The following SFXN5 variants were observed in gnomAD, a reference collection of about 807,000 sequenced individuals.
SFXN5 encodes the protein sideroflexin-5.
Under a neutral mutation model 50.2 loss-of-function variants are expected in SFXN5, and 43 were observed. That is an observed-to-expected ratio of 0.86 (90% CI 0.67 to 1.11). SFXN5 has a LOEUF of 1.11. Ranked by LOEUF, SFXN5 falls within the 50% of genes least tolerant of loss-of-function variation. SFXN5 has a pLI of 0.00. For missense variants in SFXN5, 463 were observed against 454.1 expected, an observed-to-expected ratio of 1.02 and a Z score of -0.18; for synonymous variants, 203 against 185.8, an observed-to-expected ratio of 1.09 and a Z score of -0.75.
intron 2 of SFXN5, among the ~76,000 whole-genome samples, chr2:73,051,593 C>T (rs372573210): frequency 2.0e-5 from 3 of 152,194 alleles, no homozygotes; most frequent in East Asian, 3.9e-4. Flanking sequence ...AGCCTCTACC[C>T]TTTACCAAGC....
At chr2:73,017,122 G>A (rs1256935947) in intron 6 of SFXN5, among the ~76,000 whole-genome samples, 9 of 152,198 alleles carry the variant, frequency 5.9e-5, no homozygotes, top group East Asian at 5.8e-4. Flanking sequence ...TTGAACCATC[G>A]TACGTCAGAC....
At chr2:73,020,365 G>C in intron 5 of SFXN5, 101 bp from the exon 6 acceptor site, 1 of 1,179,980 alleles carries the variant, frequency 8.5e-7, no homozygotes, top group Non-Finnish European at 1.2e-6. Flanking sequence ...CAGTGGCCCT[G>C]ATGAAGGGGC....
At position 72,945,720 on chromosome 2, in the gene SFXN5, G is replaced by A. The variant is rs1470932409; in HGVS notation, c.946-621C>T. Among the ~76,000 whole-genome samples the A allele has an allele frequency of 1.3e-5, 2 of 151,928 alleles. No homozygotes were observed. The highest frequency in any genetic ancestry group is 2.9e-5 in the Non-Finnish European group (2 of 67,968). The stretch of plus-strand genomic sequence containing the variant: ...ACGCTGCTGGCAGAAGCCCTGCTTC[G>A]GAGAACCCCACCATGCACCCCACTC... On this transcript the variant is annotated intron_variant, in intron 13 of 13. Coordinates refer to ENST00000272433, the MANE Select transcript of SFXN5 (RefSeq NM_144579.3). This position sits in a 1 kb window ranked among gnomAD's most constrained non-coding sequence, Gnocchi z 5.8.
chr2:72,966,593 G>C (rs1245504464), intron 12 of SFXN5, among the ~76,000 whole-genome samples: 1 of 152,166 alleles, frequency 6.6e-6, no homozygotes, highest in Non-Finnish European at 1.5e-5. Flanking sequence ...CTTCTAGGGT[G>C]AGAGAGGGCT....
At position 72,961,218 on chromosome 2, in the gene SFXN5, C is replaced by T; in HGVS notation, c.858G>A (p.Leu286=). 1 of 1,541,342 alleles carries T rather than the reference C, an allele frequency of 6.5e-7. No homozygotes were observed. The change falls in exon 13 of 14, where the codon CTG becomes CTA. Residue 286 remains leucine (L), a synonymous_variant. Transcript: ENST00000272433. This position sits in a 1 kb window ranked among gnomAD's most constrained non-coding sequence, Gnocchi z 4.4. The part of the protein sequence containing the change: ...KTALLQARPR[L]LLPVQSLVCL... The stretch of plus-strand genomic sequence containing the variant: ...ACACGAGGCTTTGCACAGGGAGGAG[C>T]AGCCGGGGGCGTGCCTGCAGGAGAG...
intron 2 of SFXN5, among the ~76,000 whole-genome samples, chr2:73,045,313 G>C (rs1680176748): frequency 6.6e-6 from 1 of 152,090 alleles, no homozygotes; most frequent in African/African-American, 2.4e-5. Flanking sequence ...ATCTCCCAAA[G>C]AAACCTCAGC....
At chr2:73,023,834 T>C (rs1677216740) in intron 3 of SFXN5, among the ~76,000 whole-genome samples, 1 of 152,198 alleles carries the variant, frequency 6.6e-6, no homozygotes. Flanking sequence ...ATAAGAAGGC[T>C]GTAGGGAGAA....
At position 72,968,301 on chromosome 2, in the gene SFXN5, A is replaced by C. The variant is rs13429298; in HGVS notation, c.827+147T>G. On this transcript the variant is annotated intron_variant, in intron 12 of 13. Coordinates refer to ENST00000272433, the MANE Select transcript of SFXN5 (RefSeq NM_144579.3). ...TCTGTGGCACTACCTGGAAAGTCCA[A>C]GATGGAGCAAGACACCTTCCACCCT... is the stretch of plus-strand genomic sequence containing the variant. 20 of 685,256 alleles carry C rather than the reference A, an allele frequency of 2.9e-5. No individual in the cohort carries two copies. The African/African-American group carries it at 3.1e-4, about 10-fold the overall frequency. 42.4% of individuals were successfully genotyped at this position (685,256 alleles called of 1,614,324 possible).
chr2:73,035,685 A>C (rs557130576), intron 3 of SFXN5, among the ~76,000 whole-genome samples: 2 of 151,970 alleles, frequency 1.3e-5, no homozygotes. Flanking sequence ...TTTTTGGTAG[A>C]GATGGGGTTT....
At chr2:73,003,318 C>G (rs962079032) in intron 6 of SFXN5, among the ~76,000 whole-genome samples, 2 of 152,224 alleles carry the variant, frequency 1.3e-5, no homozygotes, top group Non-Finnish European at 2.9e-5. Context: ...ACACTGTCTT[C>G]TCCTCTGAAT....
intron 3 of SFXN5, among the ~76,000 whole-genome samples, chr2:73,036,085 G>A (rs1160776634): frequency 1.3e-5 from 2 of 152,208 alleles, no homozygotes; most frequent in African/African-American, 4.8e-5. Context: ...GAGAGCAGGC[G>A]CAGAGCCCAG....
In SFXN5 at chr2:72,973,183, C is replaced by T. The variant is rs1442549037; in HGVS notation, c.626-1498G>A. ...GAGAAGAAAAGCAGGAGGCCAAATACAGTTCTAAAATGTATTTAGAGCACA... is the reference window on the plus strand; with the variant it reads ...GAGAAGAAAAGCAGGAGGCCAAATATAGTTCTAAAATGTATTTAGAGCACA... On this transcript the variant is annotated intron_variant, in intron 10 of 13. Transcript: ENST00000272433. The surrounding 1 kb of genome is among the most constrained non-coding windows in gnomAD (Gnocchi z 5.5). The T allele has an allele frequency of 6.5e-6, 1 of 153,880 alleles. No homozygotes were observed. The highest frequency in any genetic ancestry group is 1.5e-5 in the Non-Finnish European group (1 of 68,072). The allele number at this position is 153,880 out of a possible 1,614,324, so 9.5% of individuals were successfully genotyped here.
At chr2:73,006,537 G>T (rs1574096059) in intron 6 of SFXN5, among the ~76,000 whole-genome samples, 1 of 151,876 alleles carries the variant, frequency 6.6e-6, no homozygotes, top group South Asian at 2.1e-4. Context: ...CACACGAACT[G>T]CTTAAACCCA....
At chr2:73,052,967 C>G (rs1404240172) in intron 2 of SFXN5, among the ~76,000 whole-genome samples, 1 of 152,190 alleles carries the variant, frequency 6.6e-6, no homozygotes. Context: ...CACTTGAGGT[C>G]AGGAGTTCAA....
intron 2 of SFXN5, among the ~76,000 whole-genome samples, chr2:73,043,399 G>A (rs1679900673): frequency 6.6e-6 from 1 of 152,230 alleles, no homozygotes. Context: ...TATGGCAGCA[G>A]GAATAACTGC....
chr2:73,041,670 GA>G, intron 2 of SFXN5: 3 of 398,968 alleles, frequency 7.5e-6, no homozygotes, highest in Admixed American at 2.9e-5. Context: ...ATCTAAAAAA[GA>G]AAAAAATAGA....
At chr2:72,956,367 A>G (rs528616755) in intron 13 of SFXN5, among the ~76,000 whole-genome samples, 8 of 152,314 alleles carry the variant, frequency 5.3e-5, no homozygotes, top group African/African-American at 1.7e-4. Context: ...GTTGGAAAAG[A>G]CATAAACACT....
intron 3 of SFXN5, among the ~76,000 whole-genome samples, chr2:73,025,389 A>G (rs1677435769): frequency 6.6e-6 from 1 of 152,124 alleles, no homozygotes; most frequent in Non-Finnish European, 1.5e-5. Flanking sequence ...CTCCTAGCAC[A>G]TTCCATCCCC....
At chr2:73,023,444 G>A (rs1336845176) in intron 3 of SFXN5, among the ~76,000 whole-genome samples, 2 of 152,100 alleles carry the variant, frequency 1.3e-5, no homozygotes, top group African/African-American at 2.4e-5. Context: ...GGGACCTTGC[G>A]CATCAATTAA....
Sources: gnomAD v4.1 joint callset for allele counts (sites outside exome capture counted in the v4.1 genomes callset) on GRCh38, gnomAD v4.1.1 for gene constraint, Gnocchi (gnomAD v3.1) non-coding constraint, MANE v1.5 for transcripts, NCBI Gene and HGNC (gene_info 2026-07-23, HGNC 2026-07-21) for gene names.